The following MGAT4C variants were observed in gnomAD, a reference collection of about 807,000 sequenced individuals.
MGAT4C encodes the protein alpha-1,3-mannosyl-glycoprotein 4-beta-N-acetylglucosaminyltransferase C.
In MGAT4C, 19 loss-of-function variants were observed where a neutral mutation model predicts 40.1. That is an observed-to-expected ratio of 0.47 (90% CI 0.33 to 0.70). MGAT4C has a LOEUF of 0.70. Among genes scored for constraint, MGAT4C ranks in the 30% least tolerant of loss-of-function variants. MGAT4C has a pLI of 0.02. For synonymous variants in MGAT4C, 181 were observed against 187.1 expected, an observed-to-expected ratio of 0.97 and a Z score of 0.27; for missense variants, 491 against 563.2, an observed-to-expected ratio of 0.87 and a Z score of 1.30.
intron 1 of MGAT4C, among the ~76,000 whole-genome samples, chr12:86,092,388 T>C (rs982976518): frequency 3.9e-5 from 6 of 152,138 alleles, no homozygotes; most frequent in African/African-American, 1.2e-4. Flanking sequence ...TAAATTACTA[T>C]ATTACCCTAT....
intron 1 of MGAT4C, among the ~76,000 whole-genome samples, chr12:86,764,892 T>C (rs1157445437): frequency 6.6e-6 from 1 of 151,666 alleles, no homozygotes; most frequent in Non-Finnish European, 1.5e-5. Flanking sequence ...AGACCAAAAG[T>C]AGATAAAACC....
intron 1 of MGAT4C, among the ~76,000 whole-genome samples, chr12:86,067,911 T>C (rs919467341): frequency 6.6e-6 from 1 of 152,126 alleles, no homozygotes; most frequent in Non-Finnish European, 1.5e-5. Flanking sequence ...GGAGCAGAAA[T>C]TGAGGTGTTA....
At chr12:86,094,250 T>C (rs1272738384) in intron 1 of MGAT4C, among the ~76,000 whole-genome samples, 1 of 152,090 alleles carries the variant, frequency 6.6e-6, no homozygotes, top group African/African-American at 2.4e-5. Context: ...CTTGAAGATA[T>C]TGGCCAAAAA....
intron 2 of MGAT4C, among the ~76,000 whole-genome samples, chr12:86,456,246 C>G (rs1957509788): frequency 1.3e-5 from 2 of 152,068 alleles, no homozygotes; most frequent in South Asian, 4.1e-4. Flanking sequence ...TCATCATCAT[C>G]ATCATCATGA....
chr12:86,592,358 C>T (rs1212262061), intron 2 of MGAT4C, among the ~76,000 whole-genome samples: 1 of 152,000 alleles, frequency 6.6e-6, no homozygotes, highest in African/African-American at 2.4e-5. Context: ...CATTGAGACT[C>T]AGTACTAGAA....
At chr12:86,832,925 G>A (rs1026959157) in intron 1 of MGAT4C, among the ~76,000 whole-genome samples, 18 of 130,248 alleles carry the variant, frequency 1.4e-4, no homozygotes, top group Non-Finnish European at 3.2e-4. Context: ...ACATAAAAAT[G>A]TTATGATTTT....
chr12:86,037,161 C>T (rs1347816958), intron 2 of MGAT4C, among the ~76,000 whole-genome samples: 1 of 149,862 alleles, frequency 6.7e-6, no homozygotes, highest in African/African-American at 2.4e-5. Context: ...TTTATTGCAT[C>T]TATTTGATTC....
Position 85,979,774 on chromosome 12 carries a change from A to T in MGAT4C, c.952T>A (p.Tyr318Asn), listed in dbSNP as rs1038777509. 1.9e-6 allele frequency: 3 copies of T among 1,613,666 alleles called. No individual in the cohort carries two copies. In the African/African-American group the frequency reaches 4.0e-5, roughly 22 times the overall value. ...TTCAGCTTATTCTCCGTCCCTTTGT[A>T]TGATGAATAATAGCCCATGTGCTGA... The part of the protein sequence containing the change: ...LFQHMGYYSS[Y>N]KGTENKLKDD... The change falls in exon 5 of 5, where the codon TAC (tyrosine) becomes AAC (asparagine). Residue 318 changes from tyrosine to asparagine, a missense_variant. Coordinates refer to ENST00000611864, the MANE Select transcript of MGAT4C (RefSeq NM_001351288.2).
At chr12:86,752,318 C>T (rs1282178229) in intron 1 of MGAT4C, among the ~76,000 whole-genome samples, 1 of 151,902 alleles carries the variant, frequency 6.6e-6, no homozygotes, top group Non-Finnish European at 1.5e-5. Context: ...ATTTTAAACA[C>T]AAAATTTCAT....
intron 1 of MGAT4C, among the ~76,000 whole-genome samples, chr12:86,092,299 T>A (rs1873023037): frequency 6.6e-6 from 1 of 152,104 alleles, no homozygotes; most frequent in Admixed American, 6.6e-5. Flanking sequence ...ATAATATTTA[T>A]ATATCTTGGA....
In MGAT4C at chr12:86,706,042, T is replaced by C. The variant is rs1384667469; in HGVS notation, c.-229+21167A>G. 3.9e-5 allele frequency among the ~76,000 whole-genome samples: 6 copies of C among 152,238 alleles called. No homozygotes were observed. The East Asian group carries it at 9.7e-4, about 24-fold the overall frequency. Reference sequence around the variant, plus strand: ...TTGTTGTAATGATCCTACAACAAGGTCCATAAGTAGGCCTTACTTTCCATT... The same window carrying C: ...TTGTTGTAATGATCCTACAACAAGGCCCATAAGTAGGCCTTACTTTCCATT... On this transcript the variant is annotated intron_variant, in intron 2 of 7. Coordinates refer to the MGAT4C transcript ENST00000548651.
At chr12:86,323,336 C>T (rs756942883) in intron 4 of MGAT4C, among the ~76,000 whole-genome samples, 31 of 151,172 alleles carry the variant, frequency 2.1e-4, no homozygotes, top group Non-Finnish European at 4.0e-4. Flanking sequence ...TATAATCATC[C>T]ATATTTTAAT....
Position 85,963,587 on chromosome 12 carries a change from A to G in MGAT4C, c.*15702T>C, listed in dbSNP as rs1883220749. The stretch of plus-strand genomic sequence containing the variant: ...TTCTTAACAAATCTTTGTGGCTGAG[A>G]AACCATGAGATTTCATTCTGGCATG... On this transcript the variant is annotated 3_prime_UTR_variant, in exon 5 of 5. Transcript: ENST00000611864. 6.6e-6 allele frequency: 1 copy of G among 152,004 alleles called. No individual in the cohort carries two copies. 9.4% of individuals were successfully genotyped at this position (152,004 alleles called of 1,614,324 possible). A position where few individuals can be genotyped will look rare whatever the true frequency, so the allele number is the denominator to read the frequency against.
At chr12:86,493,939 C>T (rs112651894) in intron 2 of MGAT4C, among the ~76,000 whole-genome samples, 7 of 151,796 alleles carry the variant, frequency 4.6e-5, no homozygotes, top group South Asian at 2.1e-4. Flanking sequence ...GAAAATGTTG[C>T]GATTTTTTTC....
intron 2 of MGAT4C, chr12:86,028,190 G>T (rs887807557): frequency 8.6e-6 from 11 of 1,286,246 alleles, no homozygotes; most frequent in African/African-American, 3.0e-5. Context: ...AGCATGAGAC[G>T]TTCCAAGATT....
intron 1 of MGAT4C, among the ~76,000 whole-genome samples, chr12:86,803,390 G>A (rs1952272477): frequency 6.6e-6 from 1 of 151,766 alleles, no homozygotes; most frequent in South Asian, 2.1e-4. Context: ...AAAAGCAATG[G>A]CAACAAAAGA....
In MGAT4C at chr12:86,774,422, T is replaced by TC. The variant is rs1491427397; in HGVS notation, c.-261-47182_-261-47181insG. Among the ~76,000 whole-genome samples, 19 of 140,398 alleles carry TC rather than the reference T, an allele frequency of 1.4e-4. 1 individual carries two copies. The East Asian group carries it at 3.4e-3, about 25-fold the overall frequency. The allele number at this position is 140,398 out of a possible 152,430, so 92.1% of individuals were successfully genotyped here. A position where few individuals can be genotyped will look rare whatever the true frequency, so the allele number is the denominator to read the frequency against. The stretch of plus-strand genomic sequence containing the variant: ...CTCTCTCTCTCTCTCTCTCTCTCTC[T>TC]TTCTTTCTTTCTTTTCTGTTAGCCA... On this transcript the variant is annotated intron_variant, in intron 1 of 7. Transcript: ENST00000548651.
At chr12:86,145,610 A>G (rs1223019156) in intron 1 of MGAT4C, among the ~76,000 whole-genome samples, 1 of 152,158 alleles carries the variant, frequency 6.6e-6, no homozygotes, top group Non-Finnish European at 1.5e-5. Context: ...ATGGATTCTC[A>G]TGTCAGGAAA....
chr12:86,154,823 A>G (rs1040578715), intron 1 of MGAT4C, among the ~76,000 whole-genome samples: 4 of 152,178 alleles, frequency 2.6e-5, no homozygotes, highest in African/African-American at 9.7e-5. Context: ...TTACGTGTTG[A>G]GAGCTTCCCA....
Sources: allele counts gnomAD v4.1 joint callset (sites outside exome capture counted in the v4.1 genomes callset), GRCh38; gene constraint gnomAD v4.1.1; transcripts MANE v1.5; gene names NCBI Gene and HGNC (gene_info 2026-07-23, HGNC 2026-07-21).